Variants in RELN observed in about 807,000 individuals in gnomAD.
RELN encodes reelin.
Under a neutral mutation model 427.6 loss-of-function variants are expected in RELN, and 108 were observed. The observed-to-expected ratio is 0.25, with a 90% CI of 0.22 to 0.30. The LOEUF (loss-of-function observed/expected upper bound fraction) is 0.30, where lower values mean the gene tolerates loss of function less well. Among genes scored for constraint, RELN ranks in the 10% least tolerant of loss-of-function variants. RELN has a pLI of 1.00. For missense variants in RELN, 3,715 were observed against 4,302.8 expected, an observed-to-expected ratio of 0.86 and a Z score of 3.82; for synonymous variants, 1,524 against 1,513.4, an observed-to-expected ratio of 1.01 and a Z score of -0.16.
intron 16 of RELN, among the ~76,000 whole-genome samples, chr7:103,650,047 G>A (rs1832880137): frequency 1.3e-5 from 2 of 149,174 alleles, no homozygotes; most frequent in South Asian, 2.1e-4. Flanking sequence ...TTATGTATGT[G>A]AAACATTCTA....
chr7:103,610,578 C>T, intron 22 of RELN, 117 bp downstream of exon 22: 1 of 719,646 alleles, frequency 1.4e-6, no homozygotes, highest in Non-Finnish European at 2.6e-6. Context: ...AAACATCATG[C>T]TATTGTGCTT....
chr7:103,668,554 T>A (rs1322308604), intron 11 of RELN, among the ~76,000 whole-genome samples: 1 of 152,144 alleles, frequency 6.6e-6, no homozygotes, highest in Non-Finnish European at 1.5e-5. Flanking sequence ...AAAAAGGATA[T>A]TATGTATGCC....
intron 51 of RELN, among the ~76,000 whole-genome samples, chr7:103,505,775 A>G (rs1714329798): frequency 6.6e-6 from 1 of 152,186 alleles, no homozygotes; most frequent in African/African-American, 2.4e-5. Flanking sequence ...GAAGGTGGGT[A>G]ATAACAAACT....
intron 25 of RELN, among the ~76,000 whole-genome samples, chr7:103,594,810 T>A (rs1411260856): frequency 6.6e-6 from 1 of 152,208 alleles, no homozygotes; most frequent in Non-Finnish European, 1.5e-5. Flanking sequence ...AATATCAAGA[T>A]AAAATTGTTT....
At chr7:103,493,460 A>G (rs2117011076) in intron 57 of RELN, among the ~76,000 whole-genome samples, 2 of 152,330 alleles carry the variant, frequency 1.3e-5, no homozygotes, top group Middle Eastern at 6.8e-3. Context: ...GCCAATGTGC[A>G]AAGGTGTAGA....
chr7:103,479,742 A>G (rs932745542), intron 63 of RELN, among the ~76,000 whole-genome samples: 5 of 152,214 alleles, frequency 3.3e-5, no homozygotes, highest in African/African-American at 1.2e-4. Flanking sequence ...TTGTTCATTT[A>G]GGATACACTT....
At chr7:103,986,930 CTGTGTGTGTGTGTGTG>C (rs68023932) in intron 1 of RELN, among the ~76,000 whole-genome samples, 20,645 of 148,990 alleles carry the variant, frequency 0.14, 1,489 homozygotes, top group East Asian at 0.26. Context: ...CTAACAGAAG[CTGTGTGTGTGTGTGTG>C]TGTGTGTGTG....
chr7:103,645,660 G>A (rs371126352), intron 16 of RELN, among the ~76,000 whole-genome samples: 2 of 151,652 alleles, frequency 1.3e-5, no homozygotes, highest in Non-Finnish European at 2.9e-5. Flanking sequence ...AAAATAGATG[G>A]GGTGCAATAT....
intron 4 of RELN, among the ~76,000 whole-genome samples, chr7:103,763,426 TCC>T (rs1415716382): frequency 6.6e-5 from 10 of 152,104 alleles, no homozygotes; most frequent in African/African-American, 2.4e-4. Flanking sequence ...GATCAAGGGA[TCC>T]AAAGTGTAGT....
At chr7:103,708,684 C>T (rs1789706764) in intron 8 of RELN, among the ~76,000 whole-genome samples, 2 of 151,878 alleles carry the variant, frequency 1.3e-5, no homozygotes, top group Non-Finnish European at 2.9e-5. Flanking sequence ...AAGATGGTCT[C>T]GATCTCCTGA....
intron 3 of RELN, among the ~76,000 whole-genome samples, chr7:103,799,054 C>T (rs929597462): frequency 1.3e-5 from 2 of 152,126 alleles, no homozygotes; most frequent in African/African-American, 4.8e-5. Context: ...TCTCACATGT[C>T]TTGGGTTGCC....
At chr7:103,710,438 A>G (rs908683549) in intron 8 of RELN, among the ~76,000 whole-genome samples, 1 of 152,224 alleles carries the variant, frequency 6.6e-6, no homozygotes, top group African/African-American at 2.4e-5. Context: ...AGGAACTCCT[A>G]CACCCACAGT....
At chr7:103,798,330 A>T (rs1186386254) in intron 3 of RELN, among the ~76,000 whole-genome samples, 1 of 152,220 alleles carries the variant, frequency 6.6e-6, no homozygotes, top group Admixed American at 6.5e-5. Flanking sequence ...TAGTATTAAG[A>T]TCTTTGGCAA....
chr7:103,863,329 A>C (rs751569869), intron 2 of RELN, among the ~76,000 whole-genome samples: 5 of 152,192 alleles, frequency 3.3e-5, no homozygotes, highest in Non-Finnish European at 5.9e-5. Context: ...AGAGCTGGAA[A>C]GGGCCCTGGA....
rs1192195757 is a variant in RELN at position 103,938,008 on chromosome 7, C to T, written c.227-20823G>A. ...TTATTAAAATTCAACTGCCTTCATG[C>T]AAAAGCTACTTTAGAAAAACCCTAG... On this transcript the variant is annotated intron_variant, in intron 1 of 64. Coordinates refer to ENST00000428762, the MANE Select transcript of RELN (RefSeq NM_005045.4). Among the ~76,000 whole-genome samples, 5 of 152,220 alleles carry T rather than the reference C, an allele frequency of 3.3e-5. 1 individual carries two copies. The highest frequency in any genetic ancestry group is 6.8e-3 in the Middle Eastern group (2 of 294).
chr7:103,615,160 G>T (rs1005853398), intron 20 of RELN, among the ~76,000 whole-genome samples: 1 of 152,052 alleles, frequency 6.6e-6, no homozygotes, highest in Non-Finnish European at 1.5e-5. Flanking sequence ...GACTTGCAAG[G>T]GTGCCTCAAA....
intron 1 of RELN, among the ~76,000 whole-genome samples, chr7:103,956,606 T>C (rs991635156): frequency 2.0e-5 from 3 of 152,214 alleles, no homozygotes; most frequent in African/African-American, 7.2e-5. Flanking sequence ...GCTAGAAGCC[T>C]AGTTTAAAAG....
At chr7:103,756,749 G>A (rs932151093) in intron 4 of RELN, among the ~76,000 whole-genome samples, 1 of 142,580 alleles carries the variant, frequency 7.0e-6, no homozygotes. Context: ...TAAATCACTA[G>A]TTAGGAAGGT....
chr7:103,626,342 T>C lies in RELN; in HGVS notation c.2702+3598A>G, dbSNP rs922535599. On this transcript the variant is annotated intron_variant, in intron 20 of 64. Transcript: ENST00000428762. This position sits in a 1 kb window ranked among gnomAD's most constrained non-coding sequence, Gnocchi z 4.4. ...TAAATGCTACAACAACTATTCTCTC[T>C]CAATTGTACACTTATATATTTATTT... Among the ~76,000 whole-genome samples the C allele has an allele frequency of 1.3e-5, 2 of 152,102 alleles. No individual in the cohort carries two copies. Among genetic ancestry groups the C allele is most frequent in the Non-Finnish European group, 2.9e-5 (2 of 67,970 alleles).
Sources: gnomAD v4.1 joint callset for allele counts (sites outside exome capture counted in the v4.1 genomes callset) on GRCh38, gnomAD v4.1.1 for gene constraint, Gnocchi (gnomAD v3.1) non-coding constraint, MANE v1.5 for transcripts, NCBI Gene and HGNC (gene_info 2026-07-23, HGNC 2026-07-21) for gene names.